TSGA13: variants seen among roughly 807,000 people sequenced by gnomAD.
TSGA13 encodes the protein testis specific 13.
TSGA13 carries 37 observed loss-of-function variants against 35.1 expected under a neutral mutation model. That is an observed-to-expected ratio of 1.05 (90% CI 0.81 to 1.39). TSGA13 has a LOEUF of 1.39. Ranked by LOEUF, TSGA13 falls within the 40% of genes most tolerant of loss-of-function variation. The probability of loss-of-function intolerance (pLI) is 0.00; values close to 1 mark genes in which losing one functional copy is unlikely to be tolerated. For missense variants in TSGA13, 338 were observed against 328.5 expected, an observed-to-expected ratio of 1.03 and a Z score of -0.22; for synonymous variants, 124 against 121.2, an observed-to-expected ratio of 1.02 and a Z score of -0.15.
chr7:130,678,538 C>A (rs1796465396), intron 5 of TSGA13, among the ~76,000 whole-genome samples: 1 of 152,144 alleles, frequency 6.6e-6, no homozygotes, highest in Non-Finnish European at 1.5e-5. Context: ...CTACTTTATT[C>A]TCAACTAGAA....
rs1796637229 is a variant in TSGA13 at position 130,685,346 on chromosome 7, GC to G, written c.-137del. 2 of 1,498,244 alleles carry G rather than the reference GC, an allele frequency of 1.3e-6. No individual in the cohort carries two copies. The highest frequency in any genetic ancestry group is 4.7e-5 in the East Asian group (2 of 42,576). The allele number at this position is 1,498,244 out of a possible 1,614,324, so 92.8% of individuals were successfully genotyped here. A position where few individuals can be genotyped will look rare whatever the true frequency, so the allele number is the denominator to read the frequency against. ...TCCTTAGCACACAGTGTGTACTCATGCCCCATTCTTGAGCCTGTATGGGAAA... is the reference window on the plus strand; with the variant it reads ...TCCTTAGCACACAGTGTGTACTCATGCCCATTCTTGAGCCTGTATGGGAAA... On this transcript the variant is annotated 5_prime_UTR_variant, in exon 2 of 8. It introduces an in-frame stop codon into an upstream open reading frame of the 5' UTR. Transcript: ENST00000356588.
chr7:130,678,378 CA>C (rs10634079), intron 5 of TSGA13, among the ~76,000 whole-genome samples: 30,317 of 132,518 alleles, frequency 0.23, 3,094 homozygotes, highest in Middle Eastern at 0.28. Flanking sequence ...GACTCCGTCT[CA>C]AAAAAAAAAA....
intron 7 of TSGA13, among the ~76,000 whole-genome samples, chr7:130,670,594 T>C (rs1362483845): frequency 1.3e-5 from 2 of 152,108 alleles, no homozygotes; most frequent in Admixed American, 6.5e-5. Flanking sequence ...ATTTAAGGCA[T>C]TGTGGTATTT....
chr7:130,668,892 T>C lies in TSGA13; in HGVS notation c.*122A>G. The C allele has an allele frequency of 6.9e-7, 1 of 1,451,282 alleles. No homozygotes were observed. The highest frequency in any genetic ancestry group is 9.2e-7 in the Non-Finnish European group (1 of 1,081,690). The allele number at this position is 1,451,282 out of a possible 1,614,324, so 89.9% of individuals were successfully genotyped here. ...CCCGCCGGAGACTTCGGCTCGACCC[T>C]CCCGGCTTGCGACCCGGGAGCCCAC... On this transcript the variant is annotated 3_prime_UTR_variant, in exon 8 of 8. Coordinates refer to ENST00000356588, the MANE Select transcript of TSGA13 (RefSeq NM_052933.4).
chr7:130,673,600 A>C (rs1796335751), intron 5 of TSGA13, among the ~76,000 whole-genome samples: 1 of 152,148 alleles, frequency 6.6e-6, no homozygotes, highest in South Asian at 2.1e-4. Context: ...ATTCCTCCTA[A>C]GCTCTGTCTC....
chr7:130,678,334 G>C lies in TSGA13; in HGVS notation c.387+821C>G, dbSNP rs564205875. Among the ~76,000 whole-genome samples, 15 of 151,708 alleles carry C rather than the reference G, an allele frequency of 9.9e-5. No individual in the cohort carries two copies. The South Asian group carries it at 2.7e-3, about 27-fold the overall frequency. On this transcript the variant is annotated intron_variant, in intron 5 of 7. Transcript: ENST00000356588. The stretch of plus-strand genomic sequence containing the variant: ...GCGGAGCTTGCAGTGAGCCGAGATC[G>C]CGCCACTGTACTCCAGCCTGAGCGA...
At position 130,681,910 on chromosome 7, in the gene TSGA13, T is replaced by C. The variant is rs575940016; in HGVS notation, c.103-893A>G. ...AAGAAGAGTGCATCATTATCCTGTGTTCAGATCAGCATTTCTTTTTTCTTT... is the reference window on the plus strand; with the variant it reads ...AAGAAGAGTGCATCATTATCCTGTGCTCAGATCAGCATTTCTTTTTTCTTT... On this transcript the variant is annotated intron_variant, in intron 3 of 7. Coordinates refer to ENST00000356588, the MANE Select transcript of TSGA13 (RefSeq NM_052933.4). 5.9e-5 allele frequency among the ~76,000 whole-genome samples: 9 copies of C among 152,224 alleles called. No homozygotes were observed. In the East Asian group the frequency reaches 1.7e-3, roughly 29 times the overall value.
chr7:130,671,109 C>T (rs1005421308), intron 7 of TSGA13, among the ~76,000 whole-genome samples: 2 of 152,150 alleles, frequency 1.3e-5, no homozygotes, highest in South Asian at 4.1e-4. Flanking sequence ...CATTCCCTAC[C>T]CCAATCCCAG....
intron 7 of TSGA13, among the ~76,000 whole-genome samples, chr7:130,671,415 A>G (rs1164430149): frequency 6.6e-6 from 1 of 152,152 alleles, no homozygotes; most frequent in Admixed American, 6.5e-5. Context: ...AAAACTATTA[A>G]AGTGCTGGGT....
chr7:130,685,108 C>T (rs1431990948), intron 2 of TSGA13, 80 bp downstream of exon 2: 4 of 1,348,890 alleles, frequency 3.0e-6, no homozygotes, highest in Non-Finnish European at 4.2e-6. Context: ...TGACCAGCAC[C>T]ATTCAACGTG....
chr7:130,669,717 A>C (rs928371293), intron 7 of TSGA13, among the ~76,000 whole-genome samples: 1 of 152,272 alleles, frequency 6.6e-6, no homozygotes, highest in Non-Finnish European at 1.5e-5. Context: ...ATACAGATTT[A>C]AGATGAACTG....
chr7:130,676,408 CAAAGTGTGCAGGCTGTTGGAAG>C (rs1431408730), intron 5 of TSGA13, among the ~76,000 whole-genome samples: 1 of 152,202 alleles, frequency 6.6e-6, no homozygotes, highest in Non-Finnish European at 1.5e-5. Flanking sequence ...GGAGGGTTCA[CAAAGTGTGCAGGCTGTTGGAAG>C]AAAGCTCTTC....
Position 130,669,128 on chromosome 7 carries a change from C to G in TSGA13, c.714G>C (p.Leu238=), listed in dbSNP as rs782490324. The stretch of plus-strand genomic sequence containing the variant: ...TGTCTTCCAAGAGCGATGCGAGTGT[C>G]AGTGGTTCCCGAATCACTTTGGAAA... ...RPISKVIREP[L]TLASLLEDMP... The change falls in exon 8 of 8, where the codon CTG becomes CTC. Residue 238 remains leucine (L), a synonymous_variant. Coordinates refer to ENST00000356588, the MANE Select transcript of TSGA13 (RefSeq NM_052933.4). 1.1e-5 allele frequency: 18 copies of G among 1,614,198 alleles called. 1 individual carries two copies. The South Asian group carries it at 2.0e-4, about 18-fold the overall frequency.
In TSGA13 at chr7:130,679,199, T is replaced by A. The variant is rs200172336; in HGVS notation, c.343A>T (p.Ser115Cys). Residue 115 changes from serine to cysteine, a missense_variant, in exon 5 of 8, where the codon AGT becomes TGT. Coordinates refer to ENST00000356588, the MANE Select transcript of TSGA13 (RefSeq NM_052933.4). Reference sequence around the variant, plus strand: ...TCCTTGGAAAAATATTTTGATGCACTCTCCTTGTCTTGCTGGGTGATTGAG... The same window carrying A: ...TCCTTGGAAAAATATTTTGATGCACACTCCTTGTCTTGCTGGGTGATTGAG... ...PCSITQQDKE[S>C]ASKYFSKELL... 6.2e-7 allele frequency: 1 copy of A among 1,614,208 alleles called. No individual in the cohort carries two copies. The highest frequency in any genetic ancestry group is 1.3e-5 in the African/African-American group (1 of 75,048).
intron 2 of TSGA13, among the ~76,000 whole-genome samples, chr7:130,683,946 AT>A (rs1441638342): frequency 1.3e-5 from 2 of 152,226 alleles, no homozygotes; most frequent in Admixed American, 6.5e-5. Context: ...TAAAATAAGG[AT>A]TTTAGACCAT....
At chr7:130,684,952 AG>A (rs1336651094) in intron 2 of TSGA13, among the ~76,000 whole-genome samples, 4 of 152,204 alleles carry the variant, frequency 2.6e-5, no homozygotes, top group African/African-American at 9.7e-5. Flanking sequence ...CTATATGAAA[AG>A]CGCTTCTTTA....
At position 130,683,625 on chromosome 7, in the gene TSGA13, C is replaced by T. The variant is rs1796596900; in HGVS notation, c.71G>A (p.Arg24His). 6.2e-6 allele frequency: 10 copies of T among 1,613,810 alleles called. No individual in the cohort carries two copies. The highest frequency in any genetic ancestry group is 1.3e-5 in the African/African-American group (1 of 74,938). ...GCTATTGACAACCATTCCTTTCTCA[C>T]GTTTAGCTGAGCTATTTTCTGAAGT... ...SKTSENSSAK[R>H]EKGMVVNSKE... The change falls in exon 3 of 8, where the codon CGT (arginine) becomes CAT (histidine). Residue 24 changes from arginine (R) to histidine (H), a missense_variant. Physicochemically the swap from Arg to His is conservative, Grantham distance 29. Coordinates refer to ENST00000356588, the MANE Select transcript of TSGA13 (RefSeq NM_052933.4).
intron 5 of TSGA13, among the ~76,000 whole-genome samples, chr7:130,678,402 T>C (rs971373579): frequency 2.6e-5 from 4 of 151,978 alleles, no homozygotes; most frequent in Non-Finnish European, 4.4e-5. Context: ...ATGGTTTGGC[T>C]ACTGTGATGG....
chr7:130,684,947 T>A (rs1233587744), intron 2 of TSGA13, among the ~76,000 whole-genome samples: 1 of 152,210 alleles, frequency 6.6e-6, no homozygotes, highest in Non-Finnish European at 1.5e-5. Flanking sequence ...TAGAACTATA[T>A]GAAAAGCGCT....
Sources: allele counts gnomAD v4.1 joint callset (sites outside exome capture counted in the v4.1 genomes callset), GRCh38; gene constraint gnomAD v4.1.1; transcripts MANE v1.5; gene names NCBI Gene and HGNC (gene_info 2026-07-23, HGNC 2026-07-21).